Variants in DOCK2 observed in about 807,000 individuals in gnomAD.
DOCK2 encodes dedicator of cytokinesis protein 2.
Under a neutral mutation model 248.9 loss-of-function variants are expected in DOCK2, and 87 were observed. That is an observed-to-expected ratio of 0.35 (90% CI 0.29 to 0.42). The LOEUF (loss-of-function observed/expected upper bound fraction) is 0.42, where lower values mean the gene tolerates loss of function less well. Ranked by LOEUF, DOCK2 falls within the 10% of genes least tolerant of loss-of-function variation. The pLI is 1.00. For synonymous variants in DOCK2, 805 were observed against 821.6 expected, an observed-to-expected ratio of 0.98 and a Z score of 0.35; for missense variants, 1,747 against 2,300.2, an observed-to-expected ratio of 0.76 and a Z score of 4.92.
chr5:169,998,314 G>A (rs1156994777), intron 30 of DOCK2, among the ~76,000 whole-genome samples: 5 of 152,218 alleles, frequency 3.3e-5, no homozygotes, highest in Non-Finnish European at 5.9e-5. Context: ...AGGAGGTGAC[G>A]TCTGGGCTGA....
Position 169,736,858 on chromosome 5 carries a change from G to A in DOCK2, c.2268-10538G>A, listed in dbSNP as rs77220414. Reference sequence around the variant, plus strand: ...TCTATCTCAAAATAAGTTCAAATACGTGTCTAGTGGTAGAACTTTGGTTTG... The same window carrying A: ...TCTATCTCAAAATAAGTTCAAATACATGTCTAGTGGTAGAACTTTGGTTTG... On this transcript the variant is annotated intron_variant, in intron 22 of 51. Coordinates refer to ENST00000520908, the MANE Select transcript of DOCK2 (RefSeq NM_004946.3). Among the ~76,000 whole-genome samples, 7 of 152,130 alleles carry A rather than the reference G, an allele frequency of 4.6e-5. No individual in the cohort carries two copies. In the East Asian group the frequency reaches 9.6e-4, roughly 21 times the overall value.
chr5:169,829,479 A>T lies in DOCK2; in HGVS notation c.2704-11278A>T, dbSNP rs188248528. Among the ~76,000 whole-genome samples the T allele has an allele frequency of 1.9e-4, 29 of 152,136 alleles. 1 individual carries two copies. The East Asian group carries it at 5.6e-3, about 29-fold the overall frequency. ...TTGAAATATTGCAAATAGCTCATGT[A>T]CCCCCATTTCTGCAATGAAAACCTT... On this transcript the variant is annotated intron_variant, in intron 26 of 51. Transcript: ENST00000520908.
At chr5:169,942,755 CAG>C (rs1366564853) in intron 27 of DOCK2, among the ~76,000 whole-genome samples, 1 of 152,176 alleles carries the variant, frequency 6.6e-6, no homozygotes, top group African/African-American at 2.4e-5. Flanking sequence ...GTTCAGGAAA[CAG>C]AGATCACCAA....
chr5:170,079,384 A>G, intron 49 of DOCK2: 1 of 484,628 alleles, frequency 2.1e-6, no homozygotes, highest in Non-Finnish European at 3.8e-6. Flanking sequence ...TGCACTTCAG[A>G]GCCTGTGTGT....
chr5:169,748,767 T>C (rs1456827175), intron 23 of DOCK2, among the ~76,000 whole-genome samples: 4 of 152,246 alleles, frequency 2.6e-5, no homozygotes, highest in Non-Finnish European at 5.9e-5. Context: ...GCTTCTGTTT[T>C]ATGATGAGAT....
intron 26 of DOCK2, among the ~76,000 whole-genome samples, chr5:169,836,537 G>A (rs115172868): frequency 2.4e-3 from 366 of 152,208 alleles, no homozygotes; most frequent in African/African-American, 8.2e-3. Context: ...CCTTCCGTGT[G>A]GTTTTTCCAA....
intron 1 of DOCK2, among the ~76,000 whole-genome samples, chr5:169,650,303 T>TAGGAAAC: frequency 6.6e-6 from 1 of 152,218 alleles, no homozygotes; most frequent in East Asian, 1.9e-4. Context: ...ACCATTTTCT[T>TAGGAAAC]AGGAAACAGG....
intron 22 of DOCK2, among the ~76,000 whole-genome samples, chr5:169,740,811 C>A (rs1763265958): frequency 1.3e-5 from 2 of 152,266 alleles, no homozygotes; most frequent in South Asian, 4.1e-4. Context: ...AGGAGAATTT[C>A]TCTGACCACT....
chr5:169,712,221 A>G lies in DOCK2; in HGVS notation c.1657A>G (p.Lys553Glu). ...HDGFHDLVVL[K>E]GDSKKMEDAS... is the part of the protein sequence containing the mutation. ...TGGATTCCATGACTTAGTTGTCCTC[A>G]AGGTACCATGAGTTGGAAGGAGCTC... Residue 553 changes from lysine to glutamate, a missense_variant and splice_region_variant, in exon 17 of 52, where the codon AAG becomes GAG. By Grantham distance (56) the Lys-to-Glu change is moderately conservative (BLOSUM62 1). Around this residue, in one of 4 missense-constraint regions of DOCK2, gnomAD observed 858 missense variants for 1,183.5 expected, o/e 0.72. Transcript: ENST00000520908. 1 of 1,613,932 alleles carries G rather than the reference A, an allele frequency of 6.2e-7. No homozygotes were observed. The highest frequency in any genetic ancestry group is 8.5e-7 in the Non-Finnish European group (1 of 1,179,838).
At chr5:170,072,709 C>T (rs544569850) in intron 46 of DOCK2, among the ~76,000 whole-genome samples, 1 of 152,158 alleles carries the variant, frequency 6.6e-6, no homozygotes, top group Admixed American at 6.5e-5. Context: ...AATTCTAGTC[C>T]TTCTGGTGGA....
At chr5:169,921,199 G>A (rs1436722608) in intron 27 of DOCK2, among the ~76,000 whole-genome samples, 6 of 152,140 alleles carry the variant, frequency 3.9e-5, no homozygotes, top group Non-Finnish European at 8.8e-5. Context: ...AGAAAATTGT[G>A]TTTGTGTTTG....
chr5:170,080,377 A>C, intron 50 of DOCK2, 94 bp downstream of exon 50: 1 of 1,558,342 alleles, frequency 6.4e-7, no homozygotes, highest in Admixed American at 1.8e-5. Flanking sequence ...TGTCTACACA[A>C]CAAAGTGGGC....
At chr5:169,904,858 A>G (rs975639148) in intron 27 of DOCK2, among the ~76,000 whole-genome samples, 3 of 152,106 alleles carry the variant, frequency 2.0e-5, no homozygotes, top group African/African-American at 7.2e-5. Flanking sequence ...CCAGAAGACT[A>G]TGGCACCTTC....
chr5:169,698,991 T>A (rs1760800824), intron 11 of DOCK2, among the ~76,000 whole-genome samples: 1 of 152,260 alleles, frequency 6.6e-6, no homozygotes, highest in Middle Eastern at 3.4e-3. Context: ...GGCTCCAGTT[T>A]GAGAGCATCA....
At chr5:170,015,430 G>A (rs1354258017) in intron 32 of DOCK2, among the ~76,000 whole-genome samples, 1 of 152,176 alleles carries the variant, frequency 6.6e-6, no homozygotes, top group African/African-American at 2.4e-5. Context: ...GGCTGGGCAA[G>A]TCCTGAACAA....
chr5:169,738,330 G>A (rs1449300647), intron 22 of DOCK2, among the ~76,000 whole-genome samples: 2 of 152,150 alleles, frequency 1.3e-5, no homozygotes, highest in South Asian at 2.1e-4. Flanking sequence ...GAGAGGGAAG[G>A]GACACTGGTT....
rs111479491 is a variant in DOCK2, at chr5:169,848,934, T to C, written c.2799+8082T>C. On this transcript the variant is annotated intron_variant, in intron 27 of 51. Coordinates refer to ENST00000520908, the MANE Select transcript of DOCK2 (RefSeq NM_004946.3). ...TCAAAGCTCTGACTTCACTTTTCAC[T>C]CCTGGGACACCAAATTGGAAATGAC... 5.3e-3 allele frequency among the ~76,000 whole-genome samples: 802 copies of C among 152,254 alleles called. 11 individuals carry two copies. Among genetic ancestry groups the C allele is most frequent in the African/African-American group, 0.018 (767 of 41,544 alleles).
chr5:169,704,787 G>GTGTGTGTGTA (rs1761163733), intron 14 of DOCK2, among the ~76,000 whole-genome samples: 2 of 146,872 alleles, frequency 1.4e-5, no homozygotes, highest in African/African-American at 5.1e-5. Flanking sequence ...GTGTGTGTGT[G>GTGTGTGTGTA]TGTGTGTGTG....
intron 26 of DOCK2, 137 bp downstream of exon 26, chr5:169,803,343 TC>T (rs773599293): frequency 1.2e-5 from 14 of 1,126,926 alleles, no homozygotes; most frequent in Non-Finnish European, 1.6e-5. Flanking sequence ...GGCCTACTTT[TC>T]CTGTGACTAA....
Sources: allele counts gnomAD v4.1 joint callset (sites outside exome capture counted in the v4.1 genomes callset), GRCh38; gene constraint gnomAD v4.1.1; regional missense constraint gnomAD v4.1.1; transcripts MANE v1.5; gene names NCBI Gene and HGNC (gene_info 2026-07-23, HGNC 2026-07-21).